FAM135B: variants seen among roughly 807,000 people sequenced by gnomAD.
The protein encoded by FAM135B is family with sequence similarity 135 member B, also known as protein FAM135B.
FAM135B carries 43 observed loss-of-function variants against 127.7 expected under a neutral mutation model. The observed-to-expected ratio is 0.34, with a 90% CI of 0.26 to 0.43. FAM135B has a LOEUF of 0.43. Ranked by LOEUF, FAM135B falls within the 20% of genes least tolerant of loss-of-function variation. The pLI is 1.00. For synonymous variants in FAM135B, 670 were observed against 665.1 expected, an observed-to-expected ratio of 1.01 and a Z score of -0.11; for missense variants, 1,558 against 1,725.6, an observed-to-expected ratio of 0.90 and a Z score of 1.72.
At chr8:138,391,037 T>C (rs1302540980) in intron 1 of FAM135B, among the ~76,000 whole-genome samples, 3 of 152,076 alleles carry the variant, frequency 2.0e-5, no homozygotes, top group African/African-American at 7.2e-5. Context: ...AATGGGAGTA[T>C]TCAGGGCAGC....
chr8:138,416,904 T>C (rs931779517), intron 1 of FAM135B, among the ~76,000 whole-genome samples: 3 of 152,048 alleles, frequency 2.0e-5, no homozygotes, highest in Non-Finnish European at 2.9e-5. Flanking sequence ...GAGTGGATCC[T>C]GGGGAAGAGG....
intron 7 of FAM135B, among the ~76,000 whole-genome samples, chr8:138,238,463 C>G (rs1356612961): frequency 2.0e-5 from 3 of 152,022 alleles, no homozygotes; most frequent in African/African-American, 7.2e-5. Flanking sequence ...TGTGGAATGT[C>G]TAGATGTCAA....
intron 1 of FAM135B, among the ~76,000 whole-genome samples, chr8:138,415,195 C>T (rs1258113924): frequency 6.6e-6 from 1 of 152,134 alleles, no homozygotes; most frequent in Non-Finnish European, 1.5e-5. Context: ...CTTGATTTTG[C>T]TGTTGTTGTT....
chr8:138,198,968 G>A (rs1459258579), intron 7 of FAM135B, among the ~76,000 whole-genome samples: 2 of 152,166 alleles, frequency 1.3e-5, no homozygotes, highest in African/African-American at 2.4e-5. Flanking sequence ...ATGTTCCCAG[G>A]CCACCTTGTC....
chr8:138,330,684 C>G (rs1464979523), intron 2 of FAM135B, among the ~76,000 whole-genome samples: 1 of 152,048 alleles, frequency 6.6e-6, no homozygotes, highest in Non-Finnish European at 1.5e-5. Flanking sequence ...GATAATTAGC[C>G]AAGCAGGATC....
chr8:138,409,615 C>T (rs887086293), intron 1 of FAM135B, among the ~76,000 whole-genome samples: 8 of 152,060 alleles, frequency 5.3e-5, no homozygotes, highest in Non-Finnish European at 2.9e-5. Flanking sequence ...TTGGCTCATG[C>T]CTGTAATCCC....
At chr8:138,469,123 A>G (rs1366280221) in intron 1 of FAM135B, among the ~76,000 whole-genome samples, 1 of 151,914 alleles carries the variant, frequency 6.6e-6, no homozygotes, top group Non-Finnish European at 1.5e-5. Context: ...GAAGGAAGGA[A>G]GGATGGATTG....
At chr8:138,301,166 C>G (rs7824792) in intron 3 of FAM135B, among the ~76,000 whole-genome samples, 8,151 of 152,176 alleles carry the variant, frequency 0.054, 352 homozygotes, top group East Asian at 0.18. Context: ...TTGAGGAACT[C>G]TGCACTATGC....
chr8:138,405,899 T>C (rs1833454181), intron 1 of FAM135B, among the ~76,000 whole-genome samples: 2 of 151,974 alleles, frequency 1.3e-5, no homozygotes, highest in East Asian at 1.9e-4. Flanking sequence ...TTTTAATGTT[T>C]GCCATTCTAA....
intron 12 of FAM135B, among the ~76,000 whole-genome samples, chr8:138,167,345 G>A (rs957264172): frequency 2.6e-5 from 4 of 152,050 alleles, no homozygotes; most frequent in Non-Finnish European, 2.9e-5. Flanking sequence ...ACAGGTGTCC[G>A]CCACCACGCC....
At chr8:138,169,461 T>G (rs1820234126) in intron 11 of FAM135B, among the ~76,000 whole-genome samples, 1 of 152,080 alleles carries the variant, frequency 6.6e-6, no homozygotes, top group Non-Finnish European at 1.5e-5. Context: ...TATTTAACTC[T>G]TTAAATGTTC....
chr8:138,467,543 G>A (rs1237238194), intron 1 of FAM135B, among the ~76,000 whole-genome samples: 1 of 152,184 alleles, frequency 6.6e-6, no homozygotes, highest in Non-Finnish European at 1.5e-5. Flanking sequence ...GGACAGTATT[G>A]CCTTAGACCT....
rs778261848 is a variant in FAM135B, at chr8:138,139,106, CA to C, written c.3791-11del. 6.4e-7 allele frequency: 1 copy of C among 1,555,402 alleles called. No homozygotes were observed. Among genetic ancestry groups the C allele is most frequent in the Non-Finnish European group, 8.8e-7 (1 of 1,135,954 alleles). ...TGCATGAGCCATAAGCCTAGGAAGACAAAAACAAAATAAAAATCAAAAACAC... is the reference window on the plus strand; with the variant it reads ...TGCATGAGCCATAAGCCTAGGAAGACAAAACAAAATAAAAATCAAAAACAC... On this transcript the variant is annotated splice_polypyrimidine_tract_variant and intron_variant, in intron 17 of 19. Transcript: ENST00000395297.
intron 1 of FAM135B, among the ~76,000 whole-genome samples, chr8:138,442,727 C>T (rs1436361170): frequency 6.6e-6 from 1 of 152,044 alleles, no homozygotes; most frequent in Non-Finnish European, 1.5e-5. Context: ...CACCAAGTCC[C>T]CTTAGTAATG....
chr8:138,377,346 A>G (rs1246592415), intron 1 of FAM135B, among the ~76,000 whole-genome samples: 1 of 152,182 alleles, frequency 6.6e-6, no homozygotes, highest in African/African-American at 2.4e-5. Context: ...TAGAGAAGGG[A>G]TCTACCTCAG....
At chr8:138,163,319 G>A (rs1178412631) in intron 12 of FAM135B, among the ~76,000 whole-genome samples, 4 of 152,126 alleles carry the variant, frequency 2.6e-5, no homozygotes. Flanking sequence ...AATTGTCTTG[G>A]GATAGAGAGG....
At chr8:138,192,564 C>T (rs1347178779) in intron 9 of FAM135B, among the ~76,000 whole-genome samples, 1 of 151,906 alleles carries the variant, frequency 6.6e-6, no homozygotes, top group Non-Finnish European at 1.5e-5. Flanking sequence ...CTGCACTTGA[C>T]GGATCAGTTG....
At chr8:138,135,303 A>G (rs1273623527) in intron 19 of FAM135B, among the ~76,000 whole-genome samples, 2 of 152,200 alleles carry the variant, frequency 1.3e-5, no homozygotes, top group Non-Finnish European at 2.9e-5. Flanking sequence ...CTGCACAAAG[A>G]AACAGTTTGG....
chr8:138,206,201 CCACAGCTCTCTCATCCCCTCCACCTACA>C (rs1817554226), intron 7 of FAM135B, among the ~76,000 whole-genome samples: 7 of 108,332 alleles, frequency 6.5e-5, no homozygotes, highest in South Asian at 5.6e-4. Context: ...CCTTCACTAC[CCACAGCTCTCTCATCCCCTCCACCTACA>C]CACAGCTCTC....
Sources: allele counts gnomAD v4.1 joint callset (sites outside exome capture counted in the v4.1 genomes callset), GRCh38; gene constraint gnomAD v4.1.1; transcripts MANE v1.5; gene names NCBI Gene and HGNC (gene_info 2026-07-23, HGNC 2026-07-21).